Variants in B4GALT7 observed in about 807,000 individuals in gnomAD.
B4GALT7 encodes the protein beta-1,4-galactosyltransferase 7, also known as UDP-Gal:beta-GlcNAc beta-1,4-galactosyltransferase 7.
B4GALT7 carries 30 observed loss-of-function variants against 33.0 expected under a neutral mutation model. The ratio of observed to expected loss-of-function variants is 0.91; its 90% CI spans 0.68 to 1.23. B4GALT7 has a LOEUF of 1.23. Ranked by LOEUF, B4GALT7 falls within the 50% of genes most tolerant of loss-of-function variation. B4GALT7 has a pLI of 0.00. For synonymous variants in B4GALT7, 213 were observed against 187.2 expected, an observed-to-expected ratio of 1.14 and a Z score of -1.13; for missense variants, 507 against 450.8, an observed-to-expected ratio of 1.12 and a Z score of -1.13.
At position 177,604,325 on chromosome 5, in the gene B4GALT7, A is replaced by G; in HGVS notation, c.197A>G (p.Gln66Arg). Residue 66 changes from glutamine (Q) to arginine (R), a missense_variant, in exon 2 of 6, where the codon CAG becomes CGG. Physicochemically the swap from Gln to Arg is conservative, Grantham distance 43. Transcript: ENST00000029410. ...GCCCGGGCAGTCAGGGGACAAGGGCAGGAGACCTCGGGCCCTCCCCGTGCC... is the reference window on the plus strand; with the variant it reads ...GCCCGGGCAGTCAGGGGACAAGGGCGGGAGACCTCGGGCCCTCCCCGTGCC... ...DVARAVRGQG[Q>R]ETSGPPRACP... 1 of 1,610,806 alleles carries G rather than the reference A, an allele frequency of 6.2e-7. No homozygotes were observed. Among genetic ancestry groups the G allele is most frequent in the Non-Finnish European group, 8.5e-7 (1 of 1,178,490 alleles).
At chr5:177,603,316 C>G (rs989476073) in intron 1 of B4GALT7, 5 of 985,296 alleles carry the variant, frequency 5.1e-6, no homozygotes, top group Non-Finnish European at 6.0e-6. Context: ...TTCCTCAGCT[C>G]CTGTCTCAGC....
chr5:177,601,186 G>A (rs1447166171), intron 1 of B4GALT7, among the ~76,000 whole-genome samples: 1 of 152,054 alleles, frequency 6.6e-6, no homozygotes, highest in Admixed American at 6.5e-5. Flanking sequence ...GTGTTGAAAG[G>A]GGAAAACAGG....
At position 177,608,755 on chromosome 5, in the gene B4GALT7, A is replaced by G. The variant is rs1768090956; in HGVS notation, c.723+133A>G. 2.7e-6 allele frequency: 3 copies of G among 1,113,572 alleles called. No homozygotes were observed. The highest frequency in any genetic ancestry group is 2.5e-5 in the East Asian group (1 of 40,524). The allele number at this position is 1,113,572 out of a possible 1,614,324, so 69.0% of individuals were successfully genotyped here. On this transcript the variant is annotated intron_variant, in intron 4 of 5. Coordinates refer to ENST00000029410, the MANE Select transcript of B4GALT7 (RefSeq NM_007255.3). This position sits in a 1 kb window ranked among gnomAD's most constrained non-coding sequence, Gnocchi z 4.1. ...GATCCCTGCCCTAACCCTGCCCTGCATGGTCATCTAGCCAGTTCCTTGCCC... is the reference window on the plus strand; with the variant it reads ...GATCCCTGCCCTAACCCTGCCCTGCGTGGTCATCTAGCCAGTTCCTTGCCC...
chr5:177,603,111 G>T, intron 1 of B4GALT7: 1 of 665,320 alleles, frequency 1.5e-6, no homozygotes, highest in South Asian at 6.7e-5. Context: ...TTGAGCTCCT[G>T]ACCTCGTGAT....
chr5:177,608,884 A>AC lies in B4GALT7; in HGVS notation c.724-22dup. ...CTGGGGCTCCAGGAAGGGCAGCCTG[A>AC]CCCCGACTTCCTTGGACCTCCCTAG... On this transcript the variant is annotated intron_variant, in intron 4 of 5. Coordinates refer to ENST00000029410, the MANE Select transcript of B4GALT7 (RefSeq NM_007255.3). The surrounding 1 kb of genome is among the most constrained non-coding windows in gnomAD (Gnocchi z 4.1). 6.3e-7 allele frequency: 1 copy of AC among 1,597,286 alleles called. No individual in the cohort carries two copies. Among genetic ancestry groups the AC allele is most frequent in the Non-Finnish European group, 8.6e-7 (1 of 1,165,958 alleles).
In B4GALT7 at chr5:177,610,019, G is replaced by A. The variant is rs1484587524; in HGVS notation, c.*324G>A. On this transcript the variant is annotated 3_prime_UTR_variant, in exon 6 of 6. Coordinates refer to ENST00000029410, the MANE Select transcript of B4GALT7 (RefSeq NM_007255.3). ...TGTGGGTAGTGGGGAGGGCTGAACA[G>A]GACAACCTCTCATCACCCCCACTTT... 1 of 411,340 alleles carries A rather than the reference G, an allele frequency of 2.4e-6. No individual in the cohort carries two copies. Among genetic ancestry groups the A allele is most frequent in the East Asian group, 5.2e-5 (1 of 19,270 alleles). The allele number at this position is 411,340 out of a possible 1,614,324, so 25.5% of individuals were successfully genotyped here.
Position 177,608,445 on chromosome 5 carries a change from C to T in B4GALT7, c.640-94C>T, listed in dbSNP as rs980878063. The T allele has an allele frequency of 2.7e-5, 31 of 1,154,972 alleles. No homozygotes were observed. The highest frequency in any genetic ancestry group is 3.5e-5 in the Non-Finnish European group (27 of 771,470). The allele number at this position is 1,154,972 out of a possible 1,614,324, so 71.5% of individuals were successfully genotyped here. A position where few individuals can be genotyped will look rare whatever the true frequency, so the allele number is the denominator to read the frequency against. Reference sequence around the variant, plus strand: ...CAAGCACCCGGGGCTTATTCAGAGGCGCTGGGGGAGAGGGGCACTCCCGAG... The same window carrying T: ...CAAGCACCCGGGGCTTATTCAGAGGTGCTGGGGGAGAGGGGCACTCCCGAG... On this transcript the variant is annotated intron_variant, in intron 3 of 5. Coordinates refer to ENST00000029410, the MANE Select transcript of B4GALT7 (RefSeq NM_007255.3). The surrounding 1 kb of genome is among the most constrained non-coding windows in gnomAD (Gnocchi z 4.1).
chr5:177,602,570 T>A (rs1441465709), intron 1 of B4GALT7, among the ~76,000 whole-genome samples: 1 of 151,700 alleles, frequency 6.6e-6, no homozygotes, highest in East Asian at 1.9e-4. Context: ...CTCTGAAGGA[T>A]CAACAGGGGT....
Position 177,608,313 on chromosome 5 carries a change from T to G in B4GALT7, c.640-226T>G. 56 of 550,284 alleles carry G rather than the reference T, an allele frequency of 1.0e-4. No homozygotes were observed. The highest frequency in any genetic ancestry group is 4.9e-4 in the Middle Eastern group (1 of 2,030). 34.1% of individuals were successfully genotyped at this position (550,284 alleles called of 1,614,324 possible). On this transcript the variant is annotated intron_variant, in intron 3 of 5. Transcript: ENST00000029410. This position sits in a 1 kb window ranked among gnomAD's most constrained non-coding sequence, Gnocchi z 4.1. Reference sequence around the variant, plus strand: ...AGATCCCCTCTGGGCAGCCAGCCGTTTTTGAGAAGGTGAGCCTCTCACACA... The same window carrying G: ...AGATCCCCTCTGGGCAGCCAGCCGTGTTTGAGAAGGTGAGCCTCTCACACA...
At position 177,608,409 on chromosome 5, in the gene B4GALT7, G is replaced by A; in HGVS notation, c.640-130G>A. On this transcript the variant is annotated intron_variant, in intron 3 of 5. Transcript: ENST00000029410. This position sits in a 1 kb window ranked among gnomAD's most constrained non-coding sequence, Gnocchi z 4.1. ...TTCCTGCCGCCCGCACTGCAGAAGT[G>A]CAGGAGCCTGCAAGCACCCGGGGCT... The A allele has an allele frequency of 2.5e-6, 2 of 790,572 alleles. No individual in the cohort carries two copies. Among genetic ancestry groups the A allele is most frequent in the Non-Finnish European group, 4.3e-6 (2 of 466,338 alleles). The allele number at this position is 790,572 out of a possible 1,614,324, so 49.0% of individuals were successfully genotyped here.
At chr5:177,604,105 G>T (rs554636235) in intron 1 of B4GALT7, 74 bp from the exon 2 acceptor site, 17 of 1,604,740 alleles carry the variant, frequency 1.1e-5, no homozygotes, top group Middle Eastern at 2.0e-4. Context: ...CTCCTCGTGG[G>T]GAGGCCAGAG....
rs369160565 is a variant in B4GALT7 at position 177,608,449 on chromosome 5, G to T, written c.640-90G>T. ...CACCCGGGGCTTATTCAGAGGCGCT[G>T]GGGGAGAGGGGCACTCCCGAGCGGT... On this transcript the variant is annotated intron_variant, in intron 3 of 5. Coordinates refer to ENST00000029410, the MANE Select transcript of B4GALT7 (RefSeq NM_007255.3). The surrounding 1 kb of genome is among the most constrained non-coding windows in gnomAD (Gnocchi z 4.1). 1.8e-5 allele frequency: 22 copies of T among 1,203,368 alleles called. No homozygotes were observed. The highest frequency in any genetic ancestry group is 1.5e-4 in the African/African-American group (10 of 66,518). 74.5% of individuals were successfully genotyped at this position (1,203,368 alleles called of 1,614,324 possible). A position where few individuals can be genotyped will look rare whatever the true frequency, so the allele number is the denominator to read the frequency against.
In B4GALT7 at chr5:177,608,587, G is replaced by A. The variant is rs751946151; in HGVS notation, c.688G>A (p.Glu230Lys). 15 of 1,613,892 alleles carry A rather than the reference G, an allele frequency of 9.3e-6. No individual in the cohort carries two copies. The East Asian group carries it at 1.1e-4, about 12-fold the overall frequency. ...RFWGWGREDDEFYRRIKGAGL... is the reference protein window; with the variant it reads ...RFWGWGREDDKFYRRIKGAGL... ...CTGGGGCTGGGGCCGCGAGGACGAC[G>A]AGTTCTACCGGCGCATTAAGGGAGC... The change falls in exon 4 of 6, where the codon GAG becomes AAG. Residue 230 changes from glutamate (E) to lysine (K), a missense_variant. Transcript: ENST00000029410. This position sits in a 1 kb window ranked among gnomAD's most constrained non-coding sequence, Gnocchi z 4.1.
Position 177,604,561 on chromosome 5 carries a change from T to C in B4GALT7, c.413+20T>C. ...CTTCAGGTAGCGCCCGCCCCCACCC[T>C]CTCCCCTCGGCACCCCTGCCCGGGC... On this transcript the variant is annotated intron_variant, in intron 2 of 5. Transcript: ENST00000029410. The C allele has an allele frequency of 6.2e-7, 1 of 1,612,692 alleles. No individual in the cohort carries two copies. Among genetic ancestry groups the C allele is most frequent in the Non-Finnish European group, 8.5e-7 (1 of 1,179,580 alleles).
intron 5 of B4GALT7, 64 bp downstream of exon 5, chr5:177,609,078 C>A: frequency 1.4e-6 from 2 of 1,453,186 alleles, no homozygotes; most frequent in Non-Finnish European, 9.5e-7. Context: ...CAGGCCCGGG[C>A]TTTCACCAAG....
Position 177,608,495 on chromosome 5 carries a change from C to CG in B4GALT7, c.640-44_640-43insG, listed in dbSNP as rs769265353. Reference sequence around the variant, plus strand: ...GCGGTAGGAGACCAAAGGCCCCCCCCCCCGGGAAGATGGGCCGAGTGACGC... The same window carrying CG: ...GCGGTAGGAGACCAAAGGCCCCCCCCGCCCGGGAAGATGGGCCGAGTGACGC... On this transcript the variant is annotated intron_variant, in intron 3 of 5. Transcript: ENST00000029410. This position sits in a 1 kb window ranked among gnomAD's most constrained non-coding sequence, Gnocchi z 4.1. 4.5e-6 allele frequency: 7 copies of CG among 1,565,800 alleles called. No individual in the cohort carries two copies. Among genetic ancestry groups the CG allele is most frequent in the Non-Finnish European group, 5.3e-6 (6 of 1,138,268 alleles).
At chr5:177,609,139 C>T (rs1459507904) in intron 5 of B4GALT7, 125 bp downstream of exon 5, 18 of 896,082 alleles carry the variant, frequency 2.0e-5, no homozygotes, top group African/African-American at 4.9e-5. Flanking sequence ...CCAGGTCAGT[C>T]GACGGGCATT....
Position 177,609,669 on chromosome 5 carries a change from G to T in B4GALT7, c.958G>T (p.Ala320Ser). The T allele has an allele frequency of 6.2e-7, 1 of 1,612,840 alleles. No individual in the cohort carries two copies. Among genetic ancestry groups the T allele is most frequent in the Non-Finnish European group, 8.5e-7 (1 of 1,179,564 alleles). ...CATCATGTTGGACTGTGACAAGACC[G>T]CCACACCCTGGTGCACATTCAGCTG... is the stretch of plus-strand genomic sequence containing the variant. The part of the protein sequence containing the change: ...LNIMLDCDKT[A>S]TPWCTFS Residue 320 changes from alanine (A) to serine (S), a missense_variant, in exon 6 of 6, where the codon GCC becomes TCC. Ala to Ser is a moderately conservative substitution (Grantham distance 99). Coordinates refer to ENST00000029410, the MANE Select transcript of B4GALT7 (RefSeq NM_007255.3).
Position 177,606,482 on chromosome 5 carries a change from C to T in B4GALT7, c.414-820C>T, listed in dbSNP as rs116762844. On this transcript the variant is annotated intron_variant, in intron 2 of 5. Coordinates refer to ENST00000029410, the MANE Select transcript of B4GALT7 (RefSeq NM_007255.3). The surrounding 1 kb of genome is among the most constrained non-coding windows in gnomAD (Gnocchi z 4.2). ...GCAAAATCCATCTAGAATCTGCCCG[C>T]TTCTCGCTGTTGCCACTGCCACCTC... 6.4e-3 allele frequency: 977 copies of T among 153,280 alleles called. 13 individuals are homozygous for T. The highest frequency in any genetic ancestry group is 0.022 in the African/African-American group (928 of 41,562). 9.5% of individuals were successfully genotyped at this position (153,280 alleles called of 1,614,324 possible). A position where few individuals can be genotyped will look rare whatever the true frequency, so the allele number is the denominator to read the frequency against.
Sources: allele counts gnomAD v4.1 joint callset (sites outside exome capture counted in the v4.1 genomes callset), GRCh38; gene constraint gnomAD v4.1.1; non-coding constraint Gnocchi (gnomAD v3.1); transcripts MANE v1.5; gene names NCBI Gene and HGNC (gene_info 2026-07-23, HGNC 2026-07-21).